Variants in BCAS3 observed in about 807,000 individuals in gnomAD.
BCAS3 encodes the protein BCAS4/BCAS3 fusion.
A neutral mutation model predicts 116.1 loss-of-function variants in BCAS3; 53 were observed. The ratio of observed to expected loss-of-function variants is 0.46; its 90% CI spans 0.37 to 0.57. BCAS3 has a LOEUF of 0.57. BCAS3 is among the 20% of genes least tolerant of loss of function. BCAS3 has a pLI of 0.00. For missense variants in BCAS3, 917 were observed against 1,165.4 expected (o/e 0.79, Z 3.10); for synonymous variants, 391 against 408.2 (o/e 0.96, Z 0.51).
In BCAS3 at chr17:61,110,550, C is replaced by T. The variant is rs528909407; in HGVS notation, c.2425+25986C>T. On this transcript the variant is annotated intron_variant, in intron 22 of 23. Transcript: ENST00000407086. The stretch of plus-strand genomic sequence containing the variant: ...CTTTTCGGACCGGCTTAAAAAACGG[C>T]GCACCACGAGATTATATCCCGCACC... 8.5e-5 allele frequency among the ~76,000 whole-genome samples: 13 copies of T among 152,360 alleles called. No homozygotes were observed. In the South Asian group the frequency reaches 2.3e-3, roughly 27 times the overall value.
At chr17:61,342,595 C>G (rs1224936410) in intron 22 of BCAS3, among the ~76,000 whole-genome samples, 1 of 152,198 alleles carries the variant, frequency 6.6e-6, no homozygotes, top group Non-Finnish European at 1.5e-5. Flanking sequence ...GAGCCCAAGC[C>G]CAGGCTAGCA....
chr17:60,701,268 C>T (rs1334103622), intron 4 of BCAS3, among the ~76,000 whole-genome samples: 3 of 151,568 alleles, frequency 2.0e-5, no homozygotes, highest in Admixed American at 6.6e-5. Context: ...AAATAAAAGT[C>T]GGAGAGGAGA....
chr17:60,969,790 A>G (rs2061854549), intron 14 of BCAS3, among the ~76,000 whole-genome samples: 1 of 152,240 alleles, frequency 6.6e-6, no homozygotes, highest in Admixed American at 6.5e-5. Context: ...GGCAGACAAA[A>G]GTAATGCATT....
At chr17:60,922,480 A>G (rs1474489528) in intron 12 of BCAS3, among the ~76,000 whole-genome samples, 1 of 151,184 alleles carries the variant, frequency 6.6e-6, no homozygotes, top group Non-Finnish European at 1.5e-5. Flanking sequence ...TCATTAATTG[A>G]TAGGAATAAG....
At chr17:60,736,289 C>G (rs925821357) in intron 5 of BCAS3, among the ~76,000 whole-genome samples, 21 of 151,646 alleles carry the variant, frequency 1.4e-4, no homozygotes, top group African/African-American at 5.1e-4. Flanking sequence ...AGATATTGAT[C>G]TGTGGTTTTC....
chr17:60,775,960 A>G (rs576757009), intron 6 of BCAS3, among the ~76,000 whole-genome samples: 1 of 152,348 alleles, frequency 6.6e-6, no homozygotes, highest in African/African-American at 2.4e-5. Context: ...CAGTGCTCAA[A>G]GTGGAGAGGA....
intron 15 of BCAS3, among the ~76,000 whole-genome samples, chr17:60,991,006 T>C (rs2063491392): frequency 6.6e-6 from 1 of 152,204 alleles, no homozygotes; most frequent in African/African-American, 2.4e-5. Context: ...TAATTTATCT[T>C]AGAGCAAGTA....
chr17:60,944,205 G>T (rs745493717), intron 13 of BCAS3, among the ~76,000 whole-genome samples: 9 of 151,812 alleles, frequency 5.9e-5, no homozygotes, highest in African/African-American at 1.9e-4. Context: ...ACCTTAAAAA[G>T]ACCTTACCAG....
chr17:61,066,565 C>T (rs151236185), intron 19 of BCAS3, among the ~76,000 whole-genome samples: 2 of 152,042 alleles, frequency 1.3e-5, no homozygotes, highest in East Asian at 1.9e-4. Context: ...TATCTTAAAC[C>T]ATGTCCAATA....
chr17:61,205,679 A>G lies in BCAS3; in HGVS notation c.2425+121115A>G, dbSNP rs2081079346. 6.6e-6 allele frequency among the ~76,000 whole-genome samples: 1 copy of G among 152,184 alleles called. No homozygotes were observed. Among genetic ancestry groups the G allele is most frequent in the Admixed American group, 6.5e-5 (1 of 15,282 alleles). On this transcript the variant is annotated intron_variant, in intron 22 of 23. Coordinates refer to ENST00000407086, the MANE Select transcript of BCAS3 (RefSeq NM_017679.5). The surrounding 1 kb of genome is among the most constrained non-coding windows in gnomAD (Gnocchi z 5.2). ...AGAGCAGGAGAAAGGGCTCCTCATC[A>G]GAGGATATGCTTCTTTTATGTTCCT...
Position 61,012,462 on chromosome 17 carries a change from G to A in BCAS3, c.1487-3289G>A, listed in dbSNP as rs1387663541. ...TCACTGCTGAAACTACCCTACTGAAGACTATTAGAGTTAGCTTTTTCTCTG... is the reference window on the plus strand; with the variant it reads ...TCACTGCTGAAACTACCCTACTGAAAACTATTAGAGTTAGCTTTTTCTCTG... On this transcript the variant is annotated intron_variant, in intron 15 of 23. Transcript: ENST00000407086. This position sits in a 1 kb window ranked among gnomAD's most constrained non-coding sequence, Gnocchi z 4.5. Among the ~76,000 whole-genome samples, 1 of 152,010 alleles carries A rather than the reference G, an allele frequency of 6.6e-6. No individual in the cohort carries two copies. Among genetic ancestry groups the A allele is most frequent in the Non-Finnish European group, 1.5e-5 (1 of 67,940 alleles).
In BCAS3 at chr17:61,128,332, C is replaced by T. The variant is rs2076152879; in HGVS notation, c.2425+43768C>T. 2 of 985,276 alleles carry T rather than the reference C, an allele frequency of 2.0e-6. No homozygotes were observed. The highest frequency in any genetic ancestry group is 2.4e-6 in the Non-Finnish European group (2 of 829,932). The allele number at this position is 985,276 out of a possible 1,614,324, so 61.0% of individuals were successfully genotyped here. The stretch of plus-strand genomic sequence containing the variant: ...GAGAGACTTAGTGAAATATGCAGAG[C>T]TCCATTCCAGTTCCTTTCTTATTTG... On this transcript the variant is annotated intron_variant, in intron 22 of 23. Transcript: ENST00000407086. The surrounding 1 kb of genome is among the most constrained non-coding windows in gnomAD (Gnocchi z 4.1).
intron 22 of BCAS3, among the ~76,000 whole-genome samples, chr17:61,120,735 G>A (rs1055789161): frequency 7.2e-5 from 11 of 151,990 alleles, no homozygotes; most frequent in Non-Finnish European, 1.5e-4. Flanking sequence ...AAAAAACAAA[G>A]TATTATCATG....
At chr17:61,000,241 C>T (rs1020635257) in intron 15 of BCAS3, among the ~76,000 whole-genome samples, 1 of 152,096 alleles carries the variant, frequency 6.6e-6, no homozygotes, top group East Asian at 1.9e-4. Context: ...CCAGCTTCTG[C>T]CCATTCAGTA....
intron 13 of BCAS3, among the ~76,000 whole-genome samples, chr17:60,938,957 G>C (rs2060087208): frequency 6.6e-6 from 1 of 152,100 alleles, no homozygotes; most frequent in South Asian, 2.1e-4. Context: ...TGAAGTTATG[G>C]AGCTTGTGAG....
chr17:60,921,600 G>A (rs1296942237), intron 12 of BCAS3, among the ~76,000 whole-genome samples: 48 of 130,370 alleles, frequency 3.7e-4, no homozygotes, highest in Non-Finnish European at 6.0e-4. Context: ...GCGACAGAGC[G>A]AGACTCCGTC....
At chr17:60,955,638 C>G (rs1476891045) in intron 14 of BCAS3, among the ~76,000 whole-genome samples, 2 of 152,054 alleles carry the variant, frequency 1.3e-5, no homozygotes, top group Non-Finnish European at 2.9e-5. Flanking sequence ...CCCTCCTTGG[C>G]CTCCCACAGT....
chr17:61,232,852 T>G (rs1040584609), intron 22 of BCAS3, among the ~76,000 whole-genome samples: 1 of 152,208 alleles, frequency 6.6e-6, no homozygotes, highest in Non-Finnish European at 1.5e-5. Flanking sequence ...ACTATTTTCT[T>G]TTTAGAGTTG....
At position 61,344,934 on chromosome 17, in the gene BCAS3, T is replaced by C. The variant is rs77945629; in HGVS notation, c.2426-23393T>C. On this transcript the variant is annotated intron_variant, in intron 22 of 23. Transcript: ENST00000407086. This position sits in a 1 kb window ranked among gnomAD's most constrained non-coding sequence, Gnocchi z 4.1. ...TCGGAAATACACACACACACACACATACACACACACACACGCACACCCCTC... is the reference window on the plus strand; with the variant it reads ...TCGGAAATACACACACACACACACACACACACACACACACGCACACCCCTC... 4.2e-5 allele frequency among the ~76,000 whole-genome samples: 6 copies of C among 142,896 alleles called. No homozygotes were observed. Among genetic ancestry groups the C allele is most frequent in the South Asian group, 2.2e-4 (1 of 4,490 alleles). 93.7% of individuals were successfully genotyped at this position (142,896 alleles called of 152,430 possible).
Sources: allele counts gnomAD v4.1 joint callset (sites outside exome capture counted in the v4.1 genomes callset), GRCh38; gene constraint gnomAD v4.1.1; non-coding constraint Gnocchi (gnomAD v3.1); transcripts MANE v1.5; gene names NCBI Gene and HGNC (gene_info 2026-07-23, HGNC 2026-07-21).